The following USP34 variants were observed in gnomAD, a reference collection of about 807,000 sequenced individuals.
USP34 encodes the protein ubiquitin carboxyl-terminal hydrolase 34.
A neutral mutation model predicts 460.3 loss-of-function variants in USP34; 70 were observed. The ratio of observed to expected loss-of-function variants is 0.15; its 90% CI spans 0.13 to 0.19. The LOEUF is 0.19. Ranked by LOEUF, USP34 falls within the 10% of genes least tolerant of loss-of-function variation. The pLI is 1.00. For missense variants in USP34, 3,985 were observed against 4,236.2 expected, an observed-to-expected ratio of 0.94 and a Z score of 1.65; for synonymous variants, 1,647 against 1,405.3, an observed-to-expected ratio of 1.17 and a Z score of -3.85.
chr2:61,312,724 C>T (rs1690632963), intron 25 of USP34, among the ~76,000 whole-genome samples: 1 of 152,064 alleles, frequency 6.6e-6, no homozygotes, highest in Non-Finnish European at 1.5e-5. Context: ...TTGTTGTTAT[C>T]AGAAGGCAGA....
rs2103795932 is a variant in USP34 at position 61,354,691 on chromosome 2, A to C, written c.1252-3998T>G. 2.6e-5 allele frequency among the ~76,000 whole-genome samples: 4 copies of C among 152,308 alleles called. No individual in the cohort carries two copies. The East Asian group carries it at 7.7e-4, about 29-fold the overall frequency. On this transcript the variant is annotated intron_variant, in intron 10 of 79. Transcript: ENST00000398571. The stretch of plus-strand genomic sequence containing the variant: ...TTTTTCACAGCCAGCCAAATGACTC[A>C]GAAAACCTAGAATGTTTGAGGAAAA...
chr2:61,379,997 C>T (rs1237443075), intron 7 of USP34, among the ~76,000 whole-genome samples, 172 bp downstream of exon 7: 1 of 152,144 alleles, frequency 6.6e-6, no homozygotes, highest in East Asian at 1.9e-4. Flanking sequence ...AAGCTTCAGA[C>T]TTATTTAAAA....
chr2:61,386,303 G>C (rs1693143388), intron 5 of USP34, among the ~76,000 whole-genome samples: 1 of 152,092 alleles, frequency 6.6e-6, no homozygotes, highest in African/African-American at 2.4e-5. Flanking sequence ...TAGAACTACA[G>C]AACAAAGAAG....
At chr2:61,386,546 T>C (rs1693150474) in intron 5 of USP34, among the ~76,000 whole-genome samples, 1 of 152,084 alleles carries the variant, frequency 6.6e-6, no homozygotes, top group African/African-American at 2.4e-5. Context: ...ATCCCAGCAC[T>C]TTGGGGAGCC....
In USP34 at chr2:61,343,829, T is replaced by G; in HGVS notation, c.2486A>C (p.Glu829Ala). ...TAGAGTCTTACCTTGACTAAGATGT[T>G]CATGGTAAATGGAAGCTAAATTGGG... is the stretch of plus-strand genomic sequence containing the variant. ...HLPNLASIYH[E>A]HLSQGPVVHK... is the part of the protein sequence containing the mutation. Residue 829 changes from glutamate to alanine, a missense_variant, in exon 16 of 80, where the codon GAA (glutamate) becomes GCA (alanine). By Grantham distance (107) the Glu-to-Ala change is moderately radical (BLOSUM62 -1). This residue lies in a region of USP34 where 716 missense variants were observed against 626.2 expected (regional missense o/e 1.14). Coordinates refer to ENST00000398571, the MANE Select transcript of USP34 (RefSeq NM_014709.4). 1 of 1,613,962 alleles carries G rather than the reference T, an allele frequency of 6.2e-7. No homozygotes were observed. Among genetic ancestry groups the G allele is most frequent in the South Asian group, 1.1e-5 (1 of 91,082 alleles).
chr2:61,433,930 A>G (rs1361668404), intron 1 of USP34, among the ~76,000 whole-genome samples: 1 of 152,106 alleles, frequency 6.6e-6, no homozygotes, highest in Non-Finnish European at 1.5e-5. Context: ...TGCCACAACT[A>G]TAGCTGCAAC....
intron 43 of USP34, among the ~76,000 whole-genome samples, chr2:61,262,703 AT>A (rs1050320250): frequency 3.3e-5 from 5 of 152,174 alleles, no homozygotes; most frequent in Non-Finnish European, 5.9e-5. Context: ...TATATACCCA[AT>A]GGAATAGCTG....
At chr2:61,328,015 C>G (rs79090416) in intron 20 of USP34, among the ~76,000 whole-genome samples, 1 of 152,282 alleles carries the variant, frequency 6.6e-6, no homozygotes, top group East Asian at 1.9e-4. Flanking sequence ...TAAGAACATA[C>G]TACAGGTGCA....
At chr2:61,229,129 T>G in intron 59 of USP34, 134 bp from the exon 60 acceptor site, 1 of 607,844 alleles carries the variant, frequency 1.6e-6, no homozygotes, top group Non-Finnish European at 2.5e-6. Flanking sequence ...ACTTAAGTAG[T>G]TATTGTGACT....
chr2:61,297,187 A>G (rs865817142), intron 29 of USP34, among the ~76,000 whole-genome samples: 1 of 152,238 alleles, frequency 6.6e-6, no homozygotes, highest in African/African-American at 2.4e-5. Context: ...AACTTTTCAA[A>G]TAAAAGTGAA....
At chr2:61,322,411 A>C (rs1690953082) in intron 21 of USP34, among the ~76,000 whole-genome samples, 1 of 152,200 alleles carries the variant, frequency 6.6e-6, no homozygotes, top group Non-Finnish European at 1.5e-5. Context: ...CCAGTGTGGC[A>C]GAAGACAGAC....
intron 57 of USP34, among the ~76,000 whole-genome samples, chr2:61,233,756 G>C (rs1312775570): frequency 6.6e-6 from 1 of 151,678 alleles, no homozygotes; most frequent in Non-Finnish European, 1.5e-5. Context: ...GATTGCTCAA[G>C]CCCAGGATTT....
chr2:61,210,376 A>G (rs955916108), intron 69 of USP34, among the ~76,000 whole-genome samples: 1 of 152,190 alleles, frequency 6.6e-6, no homozygotes, highest in Admixed American at 6.5e-5. Flanking sequence ...CCTTTCTGTT[A>G]TAATTGCCTA....
At chr2:61,246,524 C>T (rs762749149) in intron 49 of USP34, 47 bp from the exon 50 acceptor site, 1 of 1,283,540 alleles carries the variant, frequency 7.8e-7, no homozygotes, top group Non-Finnish European at 1.0e-6. Context: ...AACTTCACAA[C>T]AGTTACTTAG....
At chr2:61,442,866 T>C (rs28867071) in intron 1 of USP34, among the ~76,000 whole-genome samples, 2,742 of 150,684 alleles carry the variant, frequency 0.018, 76 homozygotes, top group African/African-American at 0.062. Flanking sequence ...TGTTCAACGA[T>C]AGATGAATGG....
rs926931272 is a variant in USP34, at chr2:61,188,613, C to T, written c.10130G>A (p.Arg3377Lys). 1 of 1,614,064 alleles carries T rather than the reference C, an allele frequency of 6.2e-7. No individual in the cohort carries two copies. The highest frequency in any genetic ancestry group is 8.5e-7 in the Non-Finnish European group (1 of 1,180,048). Residue 3377 changes from arginine (R) to lysine (K), a missense_variant, in exon 80 of 80, where the codon AGG becomes AAG. Coordinates refer to ENST00000398571, the MANE Select transcript of USP34 (RefSeq NM_014709.4). ...SCISDMKTET[R>K]EVLTPTSTSD... is the part of the protein sequence containing the mutation. ...AGTGCTCGTTGGGGTCAGGACCTCC[C>T]TGGTTTCTGTTTTCATGTCACTGAT...
intron 53 of USP34, among the ~76,000 whole-genome samples, chr2:61,237,449 A>G (rs1459556726): frequency 6.6e-6 from 1 of 151,194 alleles, no homozygotes; most frequent in Non-Finnish European, 1.5e-5. Flanking sequence ...GGTTTCTATC[A>G]TATAAGTGCT....
chr2:61,188,039 C>G lies in USP34; in HGVS notation c.*63G>C. 1 of 1,539,378 alleles carries G rather than the reference C, an allele frequency of 6.5e-7. No individual in the cohort carries two copies. ...GAAGCACAAAAACAAATAAGCAAAA[C>G]TTATACAAACAGCATGGGGGTTGGG... On this transcript the variant is annotated 3_prime_UTR_variant, in exon 80 of 80. Transcript: ENST00000398571.
At chr2:61,417,312 C>T in intron 2 of USP34, 1 of 717,348 alleles carries the variant, frequency 1.4e-6, no homozygotes, top group Admixed American at 1.9e-5. Flanking sequence ...AAGGAAGCTG[C>T]TGTTTACAGC....
Sources: gnomAD v4.1 joint callset for allele counts (sites outside exome capture counted in the v4.1 genomes callset) on GRCh38, gnomAD v4.1.1 for gene constraint, gnomAD v4.1.1 regional missense constraint, MANE v1.5 for transcripts, NCBI Gene and HGNC (gene_info 2026-07-23, HGNC 2026-07-21) for gene names.